EXOC3L1: variants seen among roughly 807,000 people sequenced by gnomAD.
EXOC3L1 encodes the protein exocyst complex component 3-like protein.
A neutral mutation model predicts 83.6 loss-of-function variants in EXOC3L1; 79 were observed. The ratio of observed to expected loss-of-function variants is 0.95; its 90% CI spans 0.79 to 1.14. The LOEUF is 1.14. Among genes scored for constraint, EXOC3L1 ranks in the 50% most tolerant of loss-of-function variants. EXOC3L1 has a pLI of 0.00. For missense variants in EXOC3L1, 945 were observed against 972.0 expected, an observed-to-expected ratio of 0.97 and a Z score of 0.37; for synonymous variants, 433 against 451.2, an observed-to-expected ratio of 0.96 and a Z score of 0.51.
At position 67,186,888 on chromosome 16, in the gene EXOC3L1, G is replaced by T. The variant is rs1348762462; in HGVS notation, c.1159-4C>A. The T allele has an allele frequency of 5.6e-6, 9 of 1,613,524 alleles. No homozygotes were observed. The highest frequency in any genetic ancestry group is 1.3e-5 in the African/African-American group (1 of 75,050). ...GCAGCCACTGAGACACACTTGCCTG[G>T]GGGGAGGGGCCAGGGGCAAAGGAAT... On this transcript the variant is annotated splice_region_variant and splice_polypyrimidine_tract_variant and intron_variant, in intron 6 of 13. Coordinates refer to ENST00000314586, the MANE Select transcript of EXOC3L1 (RefSeq NM_178516.4).
intron 9 of EXOC3L1, 65 bp from the exon 10 acceptor site, chr16:67,185,555 G>A (rs939758782): frequency 6.7e-7 from 1 of 1,490,786 alleles, no homozygotes; most frequent in Non-Finnish European, 9.2e-7. Flanking sequence ...CGGTGGTCCA[G>A]ACCCTCCGGC....
Position 67,187,009 on chromosome 16 carries a change from T to A in EXOC3L1, c.1158+12A>T. ...AGTAGGACTTCTCTGGACCTGTGCC[T>A]CAACTACTCACCTGGATGTTGGCCA... On this transcript the variant is annotated intron_variant, in intron 6 of 13. Transcript: ENST00000314586. 1 of 1,613,554 alleles carries A rather than the reference T, an allele frequency of 6.2e-7. No individual in the cohort carries two copies. Among genetic ancestry groups the A allele is most frequent in the East Asian group, 2.2e-5 (1 of 44,890 alleles).
rs1285914958 is a variant in EXOC3L1 at position 67,184,777 on chromosome 16, G to C, written c.1939C>G (p.Leu647Val). 1.3e-6 allele frequency: 2 copies of C among 1,599,228 alleles called. No individual in the cohort carries two copies. The highest frequency in any genetic ancestry group is 3.3e-5 in the Admixed American group (2 of 59,862). ...TTTAGCAGCTCCCTCAGGGCGAGCA[G>C]CACCGGCGCGCAGTGCGCGTTCTCC... is the stretch of plus-strand genomic sequence containing the variant. ...LEENAHCAPVLLALRELLNLR... is the reference protein window; with the variant it reads ...LEENAHCAPVVLALRELLNLR... Residue 647 changes from leucine to valine, a missense_variant, in exon 13 of 14, where the codon CTG (leucine) becomes GTG (valine). Physicochemically the swap from Leu to Val is conservative, Grantham distance 32. Coordinates refer to ENST00000314586, the MANE Select transcript of EXOC3L1 (RefSeq NM_178516.4).
In EXOC3L1 at chr16:67,186,655, G is replaced by C. The variant is rs1218655098; in HGVS notation, c.1287C>G (p.Ile429Met). 4 of 1,613,974 alleles carry C rather than the reference G, an allele frequency of 2.5e-6. No homozygotes were observed. Among genetic ancestry groups the C allele is most frequent in the Non-Finnish European group, 3.4e-6 (4 of 1,179,970 alleles). Residue 429 changes from isoleucine to methionine, a missense_variant and splice_region_variant, in exon 8 of 14, where the codon ATC becomes ATG. Physicochemically the swap from Ile to Met is conservative, Grantham distance 10. Coordinates refer to ENST00000314586, the MANE Select transcript of EXOC3L1 (RefSeq NM_178516.4). ...YSPMPAIVLQ[I>M]LEENIRVASL... is the part of the protein sequence containing the mutation. ...TGGCCACACGAATGTTCTCTTCCAG[G>C]ATCTGCAGGCAGAAATGAGCAGCCA... is the stretch of plus-strand genomic sequence containing the variant.
At position 67,189,150 on chromosome 16, in the gene EXOC3L1, TC is replaced by T; in HGVS notation, c.76del (p.Glu26SerfsTer25). ...GAGCGCTGCACCCCGGGCCAGCTGC[TC>T]TGCCCGCTCCTGCTCTGGCCACTCA... ...GPEWPEQERAEQLARGAALKW... is the reference protein window; with the variant it reads ...GPEWPEQERAXQLARGAALKW... On this transcript the variant is annotated frameshift_variant, in exon 3 of 14. Transcript: ENST00000314586. LOFTEE classifies it high-confidence loss of function. The T allele has an allele frequency of 6.2e-7, 1 of 1,606,370 alleles. No individual in the cohort carries two copies. Among genetic ancestry groups the T allele is most frequent in the South Asian group, 1.1e-5 (1 of 90,754 alleles).
rs774169477 is a variant in EXOC3L1 at position 67,187,884 on chromosome 16, C to T, written c.428-47G>A. ...CGGCCCTGGGTCTCAGCCTTCCCACCGCCTCAATGTGTACAGCAGGGGATA... is the reference window on the plus strand; with the variant it reads ...CGGCCCTGGGTCTCAGCCTTCCCACTGCCTCAATGTGTACAGCAGGGGATA... On this transcript the variant is annotated intron_variant, in intron 4 of 13. Coordinates refer to ENST00000314586, the MANE Select transcript of EXOC3L1 (RefSeq NM_178516.4). 4.1e-5 allele frequency: 62 copies of T among 1,528,890 alleles called. 1 individual carries two copies. The highest frequency in any genetic ancestry group is 2.0e-4 in the South Asian group (16 of 78,466). 94.7% of individuals were successfully genotyped at this position (1,528,890 alleles called of 1,614,324 possible).
In EXOC3L1 at chr16:67,188,731, C is replaced by T. The variant is rs1422917021; in HGVS notation, c.417G>A (p.Arg139=). 2 of 1,610,104 alleles carry T rather than the reference C, an allele frequency of 1.2e-6. No individual in the cohort carries two copies. Among genetic ancestry groups the T allele is most frequent in the Non-Finnish European group, 1.7e-6 (2 of 1,178,282 alleles). The change falls in exon 4 of 14, where the codon CGG becomes CGA. Residue 139 remains arginine (R), a synonymous_variant. Coordinates refer to ENST00000314586, the MANE Select transcript of EXOC3L1 (RefSeq NM_178516.4). ...QLQALSHLLP[R]LRAVPAAVSH... ...TCCCTGCATGCTCACCTGCCCGCAG[C>T]CGAGGCAGCAGGTGAGACAGGGCCT...
rs151131184 is a variant in EXOC3L1, at chr16:67,185,482, A to T, written c.1505T>A (p.Val502Glu). Residue 502 changes from valine (V) to glutamate (E), a missense_variant, in exon 10 of 14, where the codon GTG becomes GAG. Val to Glu is a moderately radical substitution (Grantham distance 121). Coordinates refer to ENST00000314586, the MANE Select transcript of EXOC3L1 (RefSeq NM_178516.4). ...LNHKSALSSS[V>E]SVLQLDGAPS... ...CGCCCCGTCCAGCTGCAGGACAGACACTGAGGAGCTGGACCAAGCAAAACT... is the reference window on the plus strand; with the variant it reads ...CGCCCCGTCCAGCTGCAGGACAGACTCTGAGGAGCTGGACCAAGCAAAACT... The T allele has an allele frequency of 1.2e-6, 2 of 1,607,838 alleles. No individual in the cohort carries two copies. Among genetic ancestry groups the T allele is most frequent in the Admixed American group, 1.7e-5 (1 of 60,024 alleles).
In EXOC3L1 at chr16:67,184,681, C is replaced by T. The variant is rs776930601; in HGVS notation, c.2030+5G>A. ...TTCTCTTCCCTTCTGGCCCCCAGTC[C>T]GCACCTCACGTCGGGAAATTGTTGC... On this transcript the variant is annotated splice_donor_5th_base_variant and intron_variant, in intron 13 of 13. Transcript: ENST00000314586. 6.3e-7 allele frequency: 1 copy of T among 1,576,144 alleles called. No homozygotes were observed. The highest frequency in any genetic ancestry group is 1.1e-5 in the South Asian group (1 of 88,136).
Position 67,186,349 on chromosome 16 carries a change from T to C in EXOC3L1, c.1386-2A>G. The C allele has an allele frequency of 1.3e-6, 2 of 1,556,730 alleles. No individual in the cohort carries two copies. Among genetic ancestry groups the C allele is most frequent in the Non-Finnish European group, 1.7e-6 (2 of 1,148,792 alleles). ...AATCGGATCAGAGCATCACTGAAGC[T>C]GCAATGGGCAGAGGTGGCTCCTGGA... On this transcript the variant is annotated splice_acceptor_variant, in intron 8 of 13. Coordinates refer to ENST00000314586, the MANE Select transcript of EXOC3L1 (RefSeq NM_178516.4). LOFTEE classifies it high-confidence loss of function.
Position 67,189,031 on chromosome 16 carries a change from A to T in EXOC3L1, c.196T>A (p.Ser66Thr). 1 of 1,605,188 alleles carries T rather than the reference A, an allele frequency of 6.2e-7. No individual in the cohort carries two copies. Among genetic ancestry groups the T allele is most frequent in the South Asian group, 1.1e-5 (1 of 90,764 alleles). The change falls in exon 3 of 14, where the codon TCG becomes ACG. Residue 66 changes from serine to threonine, a missense_variant. By Grantham distance (58) the Ser-to-Thr change is moderately conservative. Transcript: ENST00000314586. ...TGCCCCATGCCCACCTTGAGGCGCGATTCCAGGGAGCAGGTACGCTGCACC... is the reference window on the plus strand; with the variant it reads ...TGCCCCATGCCCACCTTGAGGCGCGTTTCCAGGGAGCAGGTACGCTGCACC... ...REVQRTCSLE[S>T]RLKSVMQSYL...
In EXOC3L1 at chr16:67,187,114, C is replaced by A. The variant is rs771505472; in HGVS notation, c.1065G>T (p.Glu355Asp). The A allele has an allele frequency of 6.2e-7, 1 of 1,613,506 alleles. No individual in the cohort carries two copies. Among genetic ancestry groups the A allele is most frequent in the East Asian group, 2.2e-5 (1 of 44,888 alleles). ...YLGQEMMGSL[E>D]LGPEADVSQL... Reference sequence around the variant, plus strand: ...GGGACACATCAGCCTCAGGCCCCAACTCCAGGCTCCCCATCATTTCCTGCC... The same window carrying A: ...GGGACACATCAGCCTCAGGCCCCAAATCCAGGCTCCCCATCATTTCCTGCC... Residue 355 changes from glutamate to aspartate, a missense_variant, in exon 6 of 14, where the codon GAG (glutamate) becomes GAT (aspartate). Glu to Asp is a conservative substitution (Grantham distance 45). Coordinates refer to ENST00000314586, the MANE Select transcript of EXOC3L1 (RefSeq NM_178516.4).
chr16:67,185,850 G>A (rs1186725348), intron 9 of EXOC3L1, among the ~76,000 whole-genome samples: 1 of 152,264 alleles, frequency 6.6e-6, no homozygotes, highest in East Asian at 1.9e-4. Flanking sequence ...CACCCAAGAG[G>A]AAGGGAGTGT....
Position 67,184,491 on chromosome 16 carries a change from C to T in EXOC3L1, c.2144G>A (p.Arg715His). The T allele has an allele frequency of 6.6e-7, 1 of 1,521,090 alleles. No homozygotes were observed. The highest frequency in any genetic ancestry group is 1.4e-5 in the African/African-American group (1 of 70,426). 94.2% of individuals were successfully genotyped at this position (1,521,090 alleles called of 1,614,324 possible). A position where few individuals can be genotyped will look rare whatever the true frequency, so the allele number is the denominator to read the frequency against. Residue 715 changes from arginine to histidine, a missense_variant, in exon 14 of 14, where the codon CGC becomes CAC. By Grantham distance (29) the Arg-to-His change is conservative. Transcript: ENST00000314586. ...AALPPSPRASRRVLFSLVPAP... is the reference protein window; with the variant it reads ...AALPPSPRASHRVLFSLVPAP... ...GGGCACTAGGCTGAAGAGGACGCGG[C>T]GGCTCGCGCGGGGCGACGGCGGCAG... is the stretch of plus-strand genomic sequence containing the variant.
At chr16:67,186,507 G>T in intron 8 of EXOC3L1, 50 bp downstream of exon 8, 1 of 1,584,236 alleles carries the variant, frequency 6.3e-7, no homozygotes, top group Non-Finnish European at 8.7e-7. Flanking sequence ...CCTTTGGGCT[G>T]CCTGGGGAGC....
chr16:67,186,576 G>A lies in EXOC3L1; in HGVS notation c.1366C>T (p.Leu456=), dbSNP rs75613564. The A allele has an allele frequency of 6.1e-3, 9,885 of 1,613,978 alleles. 35 individuals are homozygous for A. Among genetic ancestry groups the A allele is most frequent in the Non-Finnish European group, 7.4e-3 (8,723 of 1,179,906 alleles). ...QRVHGMALSE[L]GTFLRSFSDA... ...GCAAACCTCCTCAAGAATGTGCCCA[G>A]TTCTGACAGTGCCATGCCATGCACT... Residue 456 remains leucine, a synonymous_variant, in exon 8 of 14, where the codon CTG becomes TTG. Coordinates refer to ENST00000314586, the MANE Select transcript of EXOC3L1 (RefSeq NM_178516.4).
In EXOC3L1 at chr16:67,187,262, AG is replaced by A. The variant is rs761611516; in HGVS notation, c.1002del (p.Phe335SerfsTer16). On this transcript the variant is annotated frameshift_variant, in exon 5 of 14. Coordinates refer to ENST00000314586, the MANE Select transcript of EXOC3L1 (RefSeq NM_178516.4). LOFTEE classifies it high-confidence loss of function. ...LAGPELEAAD[A>X]FALLHWALHV... ...TGCAGTGCCCAGTGCAGCAAGGCGA[AG>A]GCATCCGCAGCTTCTAGCTCAGGCC... 1.9e-5 allele frequency: 30 copies of A among 1,612,382 alleles called. No individual in the cohort carries two copies. The highest frequency in any genetic ancestry group is 2.2e-5 in the Non-Finnish European group (26 of 1,179,532).
In EXOC3L1 at chr16:67,186,638, C is replaced by A. The variant is rs139624444; in HGVS notation, c.1304G>T (p.Arg435Leu). Reference sequence around the variant, plus strand: ...TGACTCACTGACCAGGCTGGCCACACGAATGTTCTCTTCCAGGATCTGCAG... The same window carrying A: ...TGACTCACTGACCAGGCTGGCCACAAGAATGTTCTCTTCCAGGATCTGCAG... ...IVLQILEENI[R>L]VASLVSESLQ... The change falls in exon 8 of 14, where the codon CGT becomes CTT. Residue 435 changes from arginine (R) to leucine (L), a missense_variant. Transcript: ENST00000314586. 6.2e-7 allele frequency: 1 copy of A among 1,614,048 alleles called. No individual in the cohort carries two copies. The highest frequency in any genetic ancestry group is 1.3e-5 in the African/African-American group (1 of 74,932).
intron 2 of EXOC3L1, 55 bp from the exon 3 acceptor site, chr16:67,189,235 C>G (rs746486475): frequency 6.9e-7 from 1 of 1,443,576 alleles, no homozygotes; most frequent in Admixed American, 2.6e-5. Context: ...CCCAACGACC[C>G]CAGTCCCAGC....
Sources: allele counts gnomAD v4.1 joint callset (sites outside exome capture counted in the v4.1 genomes callset), GRCh38; gene constraint gnomAD v4.1.1; transcripts MANE v1.5; gene names NCBI Gene and HGNC (gene_info 2026-07-23, HGNC 2026-07-21).